ZNF804B: variants seen among roughly 807,000 people sequenced by gnomAD.
The protein encoded by ZNF804B is zinc finger 804B.
In ZNF804B, 80 loss-of-function variants were observed where a neutral mutation model predicts 101.4. The observed-to-expected ratio is 0.79, with a 90% confidence interval of 0.66 to 0.95. The LOEUF (loss-of-function observed/expected upper bound fraction) is 0.95, where lower values mean the gene tolerates loss of function less well. ZNF804B is among the 40% of genes least tolerant of loss of function. The pLI is 0.00. For synonymous variants in ZNF804B, 622 were observed against 558.8 expected, an observed-to-expected ratio of 1.11 and a Z score of -1.59; for missense variants, 1,673 against 1,561.9, an observed-to-expected ratio of 1.07 and a Z score of -1.20.
rs113792032 is a variant in ZNF804B at position 88,811,738 on chromosome 7, C to T, written c.108+51654C>T. Among the ~76,000 whole-genome samples the T allele has an allele frequency of 2.3e-3, 356 of 152,136 alleles. 2 individuals carry two copies. The highest frequency in any genetic ancestry group is 8.4e-3 in the African/African-American group (350 of 41,506). On this transcript the variant is annotated intron_variant, in intron 1 of 3. Transcript: ENST00000333190. ...AACACAGGAACAGAAAACCAAATGCCGTATGCTCTCATTCATAAGTAGGAG... is the reference window on the plus strand; with the variant it reads ...AACACAGGAACAGAAAACCAAATGCTGTATGCTCTCATTCATAAGTAGGAG...
chr7:88,869,864 G>T (rs75088964), intron 1 of ZNF804B, among the ~76,000 whole-genome samples: 1 of 152,152 alleles, frequency 6.6e-6, no homozygotes, highest in Non-Finnish European at 1.5e-5. Context: ...TCCAGCCAAG[G>T]CTTCTTACCT....
intron 1 of ZNF804B, among the ~76,000 whole-genome samples, chr7:89,124,627 T>C (rs1004075964): frequency 3.3e-5 from 5 of 152,062 alleles, no homozygotes; most frequent in African/African-American, 1.2e-4. Context: ...AAAACTTAGA[T>C]GAAGAGAAAA....
chr7:88,936,262 G>A (rs1792968785), intron 1 of ZNF804B, among the ~76,000 whole-genome samples: 2 of 152,034 alleles, frequency 1.3e-5, no homozygotes, highest in African/African-American at 4.8e-5. Flanking sequence ...AATAGCTAGT[G>A]ATTCCTAATT....
At chr7:89,193,998 T>C (rs1474441324) in intron 1 of ZNF804B, among the ~76,000 whole-genome samples, 3 of 152,104 alleles carry the variant, frequency 2.0e-5, no homozygotes, top group Admixed American at 6.6e-5. Flanking sequence ...TTTTAATGAT[T>C]GCCATTCTAA....
At chr7:88,930,413 T>A (rs1792865279) in intron 1 of ZNF804B, among the ~76,000 whole-genome samples, 2 of 152,014 alleles carry the variant, frequency 1.3e-5, no homozygotes, top group African/African-American at 4.8e-5. Flanking sequence ...TACTTCATCA[T>A]CTTTAAAGCA....
Position 89,298,216 on chromosome 7 carries a change from GTATATATA to G in ZNF804B, c.250-29093_250-29086del, listed in dbSNP as rs1171165341. On this transcript the variant is annotated intron_variant, in intron 2 of 3. Coordinates refer to ENST00000333190, the MANE Select transcript of ZNF804B (RefSeq NM_181646.5). Reference sequence around the variant, plus strand: ...ATATCTATATAGTGTGTGTGTGTGTGTATATATATATATATATATATATATATATATAT... The same window carrying G: ...ATATCTATATAGTGTGTGTGTGTGTGTATATATATATATATATATATATAT... Among the ~76,000 whole-genome samples, 224 of 27,524 alleles carry G rather than the reference GTATATATA, an allele frequency of 8.1e-3. 4 individuals are homozygous for G. Among genetic ancestry groups the G allele is most frequent in the South Asian group, 0.011 (6 of 568 alleles). The allele number at this position is 27,524 out of a possible 152,430, so 18.1% of individuals were successfully genotyped here. A position where few individuals can be genotyped will look rare whatever the true frequency, so the allele number is the denominator to read the frequency against.
At chr7:88,806,010 G>A (rs1417775253) in intron 1 of ZNF804B, among the ~76,000 whole-genome samples, 1 of 146,548 alleles carries the variant, frequency 6.8e-6, no homozygotes, top group Non-Finnish European at 1.5e-5. Context: ...GCCACATTTT[G>A]TAAGATAGTG....
chr7:89,284,527 C>T (rs1038522441), intron 2 of ZNF804B, among the ~76,000 whole-genome samples: 4 of 151,960 alleles, frequency 2.6e-5, no homozygotes, highest in Admixed American at 1.3e-4. Context: ...GCATAAGGAC[C>T]GCTGTAAAAA....
chr7:89,241,868 G>A (rs10435310), intron 2 of ZNF804B, among the ~76,000 whole-genome samples: 42,837 of 147,904 alleles, frequency 0.29, 6,440 homozygotes, highest in South Asian at 0.34. Flanking sequence ...TTCAATGAAT[G>A]GTTATTGGAA....
At chr7:88,835,434 T>C (rs1791198925) in intron 1 of ZNF804B, among the ~76,000 whole-genome samples, 1 of 151,884 alleles carries the variant, frequency 6.6e-6, no homozygotes, top group South Asian at 2.1e-4. Context: ...TTTTCTATTA[T>C]TGCAAAAAGC....
chr7:89,217,467 A>G (rs1438855098), intron 1 of ZNF804B, among the ~76,000 whole-genome samples: 1 of 152,196 alleles, frequency 6.6e-6, no homozygotes, highest in African/African-American at 2.4e-5. Context: ...GAGATAATTC[A>G]TACACCTTGT....
At chr7:88,761,945 G>C (rs1239746886) in intron 1 of ZNF804B, among the ~76,000 whole-genome samples, 1 of 152,166 alleles carries the variant, frequency 6.6e-6, no homozygotes, top group East Asian at 1.9e-4. Context: ...CTGGATGTGT[G>C]AATGTGGATG....
intron 1 of ZNF804B, among the ~76,000 whole-genome samples, chr7:88,853,162 G>A (rs1791470996): frequency 6.6e-6 from 1 of 152,054 alleles, no homozygotes; most frequent in African/African-American, 2.4e-5. Context: ...CAATCATCTG[G>A]AGAAAAGATA....
At chr7:89,292,670 CA>C (rs1419195527) in intron 2 of ZNF804B, among the ~76,000 whole-genome samples, 1 of 151,264 alleles carries the variant, frequency 6.6e-6, no homozygotes, top group Non-Finnish European at 1.5e-5. Context: ...AACCAGAAAA[CA>C]AATTAAAAAA....
intron 1 of ZNF804B, among the ~76,000 whole-genome samples, chr7:89,191,365 A>G (rs1278536847): frequency 6.6e-6 from 1 of 152,126 alleles, no homozygotes; most frequent in Non-Finnish European, 1.5e-5. Flanking sequence ...TAATTTCAAT[A>G]TGATTGTTGA....
chr7:89,000,178 A>G (rs1473695440), intron 1 of ZNF804B, among the ~76,000 whole-genome samples: 1 of 152,004 alleles, frequency 6.6e-6, no homozygotes, highest in Non-Finnish European at 1.5e-5. Flanking sequence ...TCCTAATTCA[A>G]AGTATTTTCA....
At chr7:88,903,572 A>C (rs1269520193) in intron 1 of ZNF804B, among the ~76,000 whole-genome samples, 2 of 152,212 alleles carry the variant, frequency 1.3e-5, no homozygotes, top group Non-Finnish European at 2.9e-5. Flanking sequence ...ATTCCCATCA[A>C]CAGTGTAAAA....
intron 1 of ZNF804B, among the ~76,000 whole-genome samples, chr7:88,874,674 G>T (rs1223470594): frequency 6.6e-6 from 1 of 151,966 alleles, no homozygotes; most frequent in East Asian, 1.9e-4. Context: ...AGAGTTTTTA[G>T]CATGAAGGGC....
At chr7:88,774,819 T>C (rs766195087) in intron 1 of ZNF804B, among the ~76,000 whole-genome samples, 14 of 152,140 alleles carry the variant, frequency 9.2e-5, no homozygotes, top group Non-Finnish European at 1.3e-4. Context: ...AAGCTCCTAA[T>C]AGAAAAATGA....
Sources: gnomAD v4.1 joint callset for allele counts (sites outside exome capture counted in the v4.1 genomes callset) on GRCh38, gnomAD v4.1.1 for gene constraint, MANE v1.5 for transcripts, NCBI Gene and HGNC (gene_info 2026-07-23, HGNC 2026-07-21) for gene names.